Variants in LONRF1 observed in about 807,000 individuals in gnomAD.
The protein encoded by LONRF1 is LON peptidase N-terminal domain and ring finger 1.
LONRF1 carries 37 observed loss-of-function variants against 85.8 expected under a neutral mutation model. The observed-to-expected ratio is 0.43, with a 90% CI of 0.33 to 0.57. LONRF1 has a LOEUF of 0.57. LONRF1 is among the 20% of genes least tolerant of loss of function. LONRF1 has a pLI of 0.04. For missense variants in LONRF1, 1,036 were observed against 978.0 expected (o/e 1.06, Z -0.79); for synonymous variants, 517 against 390.1 (o/e 1.33, Z -3.83).
intron 1 of LONRF1, among the ~76,000 whole-genome samples, chr8:12,747,284 G>A (rs1346880853): frequency 6.6e-6 from 1 of 152,124 alleles, no homozygotes; most frequent in African/African-American, 2.4e-5. Flanking sequence ...TTCTATTCTA[G>A]AGTCATGGTT....
chr8:12,734,668 C>A (rs1231540756), intron 7 of LONRF1, among the ~76,000 whole-genome samples: 1 of 152,170 alleles, frequency 6.6e-6, no homozygotes, highest in African/African-American at 2.4e-5. Context: ...AGCTGTACCT[C>A]CCTCTCTTCT....
intron 1 of LONRF1, among the ~76,000 whole-genome samples, chr8:12,746,643 T>C (rs997412688): frequency 1.1e-4 from 17 of 152,328 alleles, no homozygotes; most frequent in African/African-American, 3.6e-4. Flanking sequence ...TTTTAAAACA[T>C]TATTAACACC....
At chr8:12,726,422 CA>C (rs1798306658) in intron 10 of LONRF1, among the ~76,000 whole-genome samples, 1 of 152,148 alleles carries the variant, frequency 6.6e-6, no homozygotes, top group African/African-American at 2.4e-5. Flanking sequence ...CATATAAAGC[CA>C]GTATGTCAGA....
chr8:12,727,698 T>C (rs1007090978), intron 10 of LONRF1, among the ~76,000 whole-genome samples: 4 of 152,210 alleles, frequency 2.6e-5, no homozygotes, highest in Admixed American at 6.5e-5. Context: ...TTATTAACTT[T>C]ACAAAGAAGA....
At position 12,725,867 on chromosome 8, in the gene LONRF1, C is replaced by T. The variant is rs1274109474; in HGVS notation, c.2023G>A (p.Asp675Asn). The change falls in exon 11 of 12, where the codon GAT (aspartate) becomes AAT (asparagine). Residue 675 changes from aspartate (D) to asparagine (N), a missense_variant. Asp to Asn is a conservative substitution (Grantham distance 23). Transcript: ENST00000398246. ...AGCTCTCTGAGATTCTTAATCTCAT[C>T]TTCATTCTCAACCTAGAAATACAAT... ...YLEDVKVENE[D>N]EIKNLRELHD... The T allele has an allele frequency of 6.2e-7, 1 of 1,609,494 alleles. No homozygotes were observed. Among genetic ancestry groups the T allele is most frequent in the Non-Finnish European group, 8.5e-7 (1 of 1,177,228 alleles).
At chr8:12,744,789 T>G (rs1436113393) in intron 1 of LONRF1, among the ~76,000 whole-genome samples, 1 of 152,138 alleles carries the variant, frequency 6.6e-6, no homozygotes, top group African/African-American at 2.4e-5. Flanking sequence ...CTGGGGTGCT[T>G]CCAATAGCAT....
chr8:12,729,450 A>G lies in LONRF1; in HGVS notation c.1689-118T>C, dbSNP rs78834772. 1.8e-3 allele frequency: 1,804 copies of G among 998,548 alleles called. 33 individuals are homozygous for G. The East Asian group carries it at 0.04, about 22-fold the overall frequency. 61.9% of individuals were successfully genotyped at this position (998,548 alleles called of 1,614,324 possible). On this transcript the variant is annotated intron_variant, in intron 8 of 11. Transcript: ENST00000398246. The stretch of plus-strand genomic sequence containing the variant: ...ACTAATGTAAAGCAAAAAAAGAATT[A>G]GTTCTAAATAAGGTGGTTTTTATTC...
At chr8:12,740,624 G>T (rs536099766) in intron 3 of LONRF1, among the ~76,000 whole-genome samples, 1 of 152,104 alleles carries the variant, frequency 6.6e-6, no homozygotes, top group Non-Finnish European at 1.5e-5. Flanking sequence ...GTCTGGCTCA[G>T]ATTGAACAAA....
chr8:12,725,111 T>C (rs1460793843), intron 11 of LONRF1, among the ~76,000 whole-genome samples: 2 of 152,246 alleles, frequency 1.3e-5, no homozygotes, highest in Non-Finnish European at 2.9e-5. Context: ...GACCCTTCTT[T>C]TATGCCTCCT....
intron 1 of LONRF1, among the ~76,000 whole-genome samples, chr8:12,746,118 C>T (rs1799142699): frequency 6.6e-6 from 1 of 152,172 alleles, no homozygotes; most frequent in African/African-American, 2.4e-5. Flanking sequence ...CAAATCTCCC[C>T]TTTTCCAATC....
intron 10 of LONRF1, among the ~76,000 whole-genome samples, chr8:12,728,316 A>T (rs4831770): frequency 0.52 from 79,331 of 152,026 alleles, 21,981 homozygotes; most frequent in Admixed American, 0.63. Context: ...CCCTGTTAAG[A>T]TATCACCAAC....
intron 1 of LONRF1, chr8:12,754,250 GA>G (rs1799534452): frequency 6.5e-6 from 1 of 154,892 alleles, no homozygotes; most frequent in African/African-American, 2.4e-5. Context: ...CCTCGCGGGG[GA>G]TTCTCTCCCC....
rs145440418 is a variant in LONRF1 at position 12,745,391 on chromosome 8, G to C, written c.722-2109C>G. On this transcript the variant is annotated intron_variant, in intron 1 of 11. Coordinates refer to ENST00000398246, the MANE Select transcript of LONRF1 (RefSeq NM_152271.5). The stretch of plus-strand genomic sequence containing the variant: ...CAAACTTCCAATACTTTTAAAAAAA[G>C]ATTAGGACCATCACACTGATCTCAA... Among the ~76,000 whole-genome samples the C allele has an allele frequency of 8.7e-4, 47 of 54,138 alleles. No individual in the cohort carries two copies. The East Asian group carries it at 0.034, about 39-fold the overall frequency. 35.5% of individuals were successfully genotyped at this position (54,138 alleles called of 152,430 possible).
chr8:12,728,201 G>A (rs1350918748), intron 10 of LONRF1, among the ~76,000 whole-genome samples: 2 of 152,144 alleles, frequency 1.3e-5, no homozygotes, highest in Non-Finnish European at 2.9e-5. Flanking sequence ...AGCATCATAA[G>A]TCACTTTTCC....
intron 9 of LONRF1, 28 bp from the exon 10 acceptor site, chr8:12,729,091 A>C (rs1798430807): frequency 1.9e-6 from 3 of 1,612,662 alleles, no homozygotes; most frequent in Non-Finnish European, 2.5e-6. Flanking sequence ...TTAGTAACAA[A>C]GTTGAAACAT....
At chr8:12,736,286 T>C (rs1321816257) in intron 6 of LONRF1, among the ~76,000 whole-genome samples, 1 of 152,224 alleles carries the variant, frequency 6.6e-6, no homozygotes, top group Non-Finnish European at 1.5e-5. Flanking sequence ...AAAAAGACTT[T>C]ATGGTTAATA....
chr8:12,754,779 C>A lies in LONRF1; in HGVS notation c.642G>T (p.Ala214=). The change falls in exon 1 of 12, where the codon GCG becomes GCT. Residue 214 remains alanine, a synonymous_variant. Coordinates refer to ENST00000398246, the MANE Select transcript of LONRF1 (RefSeq NM_152271.5). ...WFPGQRERAR[A]AGRLGELLHQ... is the part of the protein sequence containing the mutation. ...GCAGTAGCTCCCCGAGCCTGCCGGC[C>A]GCCCGGGCCCGCTCGCGCTGGCCCG... is the stretch of plus-strand genomic sequence containing the variant. The A allele has an allele frequency of 2.0e-6, 3 of 1,474,008 alleles. No individual in the cohort carries two copies. Among genetic ancestry groups the A allele is most frequent in the Non-Finnish European group, 2.7e-6 (3 of 1,120,734 alleles). 91.3% of individuals were successfully genotyped at this position (1,474,008 alleles called of 1,614,324 possible). A position where few individuals can be genotyped will look rare whatever the true frequency, so the allele number is the denominator to read the frequency against.
Position 12,736,782 on chromosome 8 carries a change from A to G in LONRF1, c.1370T>C (p.Val457Ala). ...LKKQGETPNE[V>A]CMFSLAYGDI... ...ACCATAAGCTAAGGAAAACATACAG[A>G]CTTCATTGGGAGTTTCTATTAAAAC... Residue 457 changes from valine (V) to alanine (A), a missense_variant, in exon 6 of 12, where the codon GTC (valine) becomes GCC (alanine). Val to Ala is a moderately conservative substitution (Grantham distance 64). This residue lies in a region of LONRF1 where 742 missense variants were observed against 614.4 expected (regional missense o/e 1.21). Coordinates refer to ENST00000398246, the MANE Select transcript of LONRF1 (RefSeq NM_152271.5). The G allele has an allele frequency of 6.2e-7, 1 of 1,608,376 alleles. No homozygotes were observed. Among genetic ancestry groups the G allele is most frequent in the Non-Finnish European group, 8.5e-7 (1 of 1,177,820 alleles).
intron 3 of LONRF1, 63 bp from the exon 4 acceptor site, chr8:12,738,207 T>A (rs1798796169): frequency 3.3e-5 from 35 of 1,073,720 alleles, no homozygotes; most frequent in Non-Finnish European, 4.5e-5. Context: ...TAATTTTGTA[T>A]AAATTTACCT....
Sources: allele counts gnomAD v4.1 joint callset (sites outside exome capture counted in the v4.1 genomes callset), GRCh38; gene constraint gnomAD v4.1.1; regional missense constraint gnomAD v4.1.1; transcripts MANE v1.5; gene names NCBI Gene and HGNC (gene_info 2026-07-23, HGNC 2026-07-21).